STK32B: variants seen among roughly 807,000 people sequenced by gnomAD.
The protein encoded by STK32B is serine/threonine-protein kinase 32B.
Under a neutral mutation model 52.6 loss-of-function variants are expected in STK32B, and 43 were observed. That is an observed-to-expected ratio of 0.82 (90% confidence interval 0.64 to 1.05). The LOEUF is 1.05. Among genes scored for constraint, STK32B ranks in the 50% least tolerant of loss-of-function variants. STK32B has a pLI of 0.00. For synonymous variants in STK32B, 238 were observed against 204.3 expected, an observed-to-expected ratio of 1.17 and a Z score of -1.41; for missense variants, 621 against 534.6, an observed-to-expected ratio of 1.16 and a Z score of -1.59.
chr4:5,293,142 T>G (rs1728991574), intron 3 of STK32B, among the ~76,000 whole-genome samples: 1 of 152,154 alleles, frequency 6.6e-6, no homozygotes, highest in Non-Finnish European at 1.5e-5. Context: ...TATGGCTGAA[T>G]AGTATTCCAT....
intron 2 of STK32B, among the ~76,000 whole-genome samples, chr4:5,153,829 A>G (rs973231852): frequency 2.0e-5 from 3 of 152,230 alleles, no homozygotes; most frequent in African/African-American, 7.2e-5. Context: ...ATATGAGTAT[A>G]GCAAGCTTGA....
At chr4:5,199,762 C>A in intron 3 of STK32B, among the ~76,000 whole-genome samples, 1 of 151,034 alleles carries the variant, frequency 6.6e-6, no homozygotes, top group Non-Finnish European at 1.5e-5. Context: ...TGTTCTCCCA[C>A]CCCCGCCCAC....
chr4:5,361,775 A>G (rs1252889881), intron 4 of STK32B, among the ~76,000 whole-genome samples: 2 of 152,248 alleles, frequency 1.3e-5, no homozygotes, highest in Non-Finnish European at 2.9e-5. Flanking sequence ...TATATAGGCC[A>G]TGGGAAAGCA....
chr4:5,168,363 A>G lies in STK32B; in HGVS notation c.173A>G (p.Lys58Arg). ...MYAMKYMNKQ[K>R]CIERDEVRNV... ...GCAATGAAGTACATGAACAAGCAGA[A>G]GTGCATCGAGAGGGATGAGGTTCGG... Residue 58 changes from lysine to arginine, a missense_variant, in exon 3 of 12, where the codon AAG becomes AGG. By Grantham distance (26) the Lys-to-Arg change is conservative. Coordinates refer to ENST00000282908, the MANE Select transcript of STK32B (RefSeq NM_018401.3). 6.2e-7 allele frequency: 1 copy of G among 1,613,946 alleles called. No homozygotes were observed. The highest frequency in any genetic ancestry group is 8.5e-7 in the Non-Finnish European group (1 of 1,179,992).
intron 3 of STK32B, among the ~76,000 whole-genome samples, chr4:5,304,059 C>T (rs756556373): frequency 7.9e-5 from 12 of 152,092 alleles, no homozygotes; most frequent in Non-Finnish European, 1.8e-4. Context: ...ATACCAGTAC[C>T]ATGCTGTTTG....
At chr4:5,027,135 G>A in the STK32B span, among the ~76,000 whole-genome samples, 1 of 152,178 alleles carries the variant, frequency 6.6e-6, no homozygotes, top group African/African-American at 2.4e-5. Context: ...TTGGTTAAAA[G>A]TAACACATCT....
chr4:5,235,642 C>T (rs1438915484), intron 3 of STK32B, among the ~76,000 whole-genome samples: 1 of 151,560 alleles, frequency 6.6e-6, no homozygotes, highest in East Asian at 1.9e-4. Flanking sequence ...CAAGTTACAC[C>T]ATGACTTGTT....
chr4:5,407,969 T>A (rs1366399302), intron 5 of STK32B, among the ~76,000 whole-genome samples: 1 of 152,118 alleles, frequency 6.6e-6, no homozygotes, highest in Non-Finnish European at 1.5e-5. Flanking sequence ...TCCCTCACCC[T>A]TTCCACCATG....
chr4:5,077,728 A>G (rs1380178375), intron 1 of STK32B, among the ~76,000 whole-genome samples: 1 of 152,148 alleles, frequency 6.6e-6, no homozygotes, highest in African/African-American at 2.4e-5. Context: ...CTGCGGGGGA[A>G]GGCAGGAAAT....
chr4:5,025,203 G>C, the STK32B span, among the ~76,000 whole-genome samples: 1 of 152,088 alleles, frequency 6.6e-6, no homozygotes, highest in African/African-American at 2.4e-5. Flanking sequence ...CTCCGCCGTG[G>C]TCCATAGACC....
chr4:5,346,482 A>C (rs1293551962), intron 4 of STK32B, among the ~76,000 whole-genome samples: 4 of 152,198 alleles, frequency 2.6e-5, no homozygotes, highest in African/African-American at 7.2e-5. Context: ...TCCCCAGAAC[A>C]GTGGGACATA....
intron 6 of STK32B, among the ~76,000 whole-genome samples, chr4:5,431,684 A>G (rs1713597788): frequency 6.6e-6 from 1 of 152,170 alleles, no homozygotes; most frequent in South Asian, 2.1e-4. Context: ...CTAATGGTCA[A>G]CAGCTGAGCG....
chr4:5,280,347 C>T (rs1419602762), intron 3 of STK32B, among the ~76,000 whole-genome samples: 1 of 152,160 alleles, frequency 6.6e-6, no homozygotes, highest in African/African-American at 2.4e-5. Flanking sequence ...CCTCCTCAGC[C>T]TGGACTTCAC....
chr4:5,419,980 C>T (rs572120594), intron 6 of STK32B, among the ~76,000 whole-genome samples: 1 of 152,202 alleles, frequency 6.6e-6, no homozygotes, highest in Admixed American at 6.5e-5. Context: ...AAGTGCTTTC[C>T]ACCTATAATT....
At chr4:5,153,467 C>CT (rs199700770) in intron 2 of STK32B, among the ~76,000 whole-genome samples, 14,773 of 142,192 alleles carry the variant, frequency 0.1, 1,056 homozygotes, top group African/African-American at 0.21. Context: ...TTTTTCTTTC[C>CT]TTTTTTTTTT....
In STK32B at chr4:5,244,473, C is replaced by G. The variant is rs185322561; in HGVS notation, c.260+76023C>G. On this transcript the variant is annotated intron_variant, in intron 3 of 11. Coordinates refer to ENST00000282908, the MANE Select transcript of STK32B (RefSeq NM_018401.3). Reference sequence around the variant, plus strand: ...CTATTTGATTCTTCTCTCTTTTCTTCTTTATTAGTCTTGCTAGTGGTCTAT... The same window carrying G: ...CTATTTGATTCTTCTCTCTTTTCTTGTTTATTAGTCTTGCTAGTGGTCTAT... Among the ~76,000 whole-genome samples the G allele has an allele frequency of 5.1e-3, 774 of 152,156 alleles. 3 individuals carry two copies. The highest frequency in any genetic ancestry group is 7.0e-3 in the Non-Finnish European group (477 of 68,006).
intron 1 of STK32B, chr4:5,139,462 T>C (rs924883781): frequency 1.2e-5 from 2 of 171,540 alleles, no homozygotes; most frequent in African/African-American, 4.7e-5. Context: ...CTCTAGTGTT[T>C]AATGCCTGGG....
intron 3 of STK32B, among the ~76,000 whole-genome samples, chr4:5,279,616 G>C (rs1290555430): frequency 1.3e-5 from 2 of 152,202 alleles, no homozygotes; most frequent in Admixed American, 1.3e-4. Flanking sequence ...CAGTGCCCCA[G>C]TGGGGACTCT....
At chr4:5,381,873 A>G (rs1244518516) in intron 4 of STK32B, among the ~76,000 whole-genome samples, 4 of 152,150 alleles carry the variant, frequency 2.6e-5, no homozygotes, top group African/African-American at 9.7e-5. Flanking sequence ...ATGTGTGCGT[A>G]TGAAGGAGGG....
Sources: allele counts gnomAD v4.1 joint callset (sites outside exome capture counted in the v4.1 genomes callset), GRCh38; gene constraint gnomAD v4.1.1; transcripts MANE v1.5; gene names NCBI Gene and HGNC (gene_info 2026-07-23, HGNC 2026-07-21).